PTPRN2: variants seen among roughly 807,000 people sequenced by gnomAD.
The protein encoded by PTPRN2 is protein tyrosine phosphatase receptor type N2.
In PTPRN2, 74 loss-of-function variants were observed where a neutral mutation model predicts 118.8. The ratio of observed to expected loss-of-function variants is 0.62; its 90% CI spans 0.52 to 0.76. The LOEUF (loss-of-function observed/expected upper bound fraction) is 0.76. Among genes scored for constraint, PTPRN2 ranks in the 30% least tolerant of loss-of-function variants. The pLI, the probability that PTPRN2 is intolerant of heterozygous loss-of-function variation, is 0.00. For synonymous variants in PTPRN2, 641 were observed against 608.0 expected (o/e 1.05, Z -0.80); for missense variants, 1,481 against 1,394.4 (o/e 1.06, Z -0.99).
chr7:158,127,872 G>C (rs1563473166), intron 9 of PTPRN2, among the ~76,000 whole-genome samples: 1 of 152,226 alleles, frequency 6.6e-6, no homozygotes, highest in Non-Finnish European at 1.5e-5. Context: ...TTGGAGGACT[G>C]GGGCGGCTGT....
At chr7:157,760,903 A>G (rs553538224) in intron 12 of PTPRN2, among the ~76,000 whole-genome samples, 1 of 152,244 alleles carries the variant, frequency 6.6e-6, no homozygotes, top group South Asian at 2.1e-4. Context: ...AATACCCTTT[A>G]TTTCCTTCTC....
At chr7:158,516,266 G>A (rs1360148165) in intron 1 of PTPRN2, among the ~76,000 whole-genome samples, 3 of 152,206 alleles carry the variant, frequency 2.0e-5, no homozygotes, top group African/African-American at 4.8e-5. Flanking sequence ...GATCACTTGA[G>A]CCCAGGAGTT....
At chr7:158,518,689 A>G (rs1344484712) in intron 1 of PTPRN2, among the ~76,000 whole-genome samples, 1 of 152,216 alleles carries the variant, frequency 6.6e-6, no homozygotes, top group Non-Finnish European at 1.5e-5. Context: ...GAGCTGATTA[A>G]AAATGTTACT....
At chr7:157,563,128 G>A (rs868686443) in intron 21 of PTPRN2, among the ~76,000 whole-genome samples, 6 of 87,876 alleles carry the variant, frequency 6.8e-5, no homozygotes, top group East Asian at 3.8e-4. Context: ...GTGCTCCCAC[G>A]TCACCACACA....
At chr7:158,180,162 C>G (rs1824574953) in intron 5 of PTPRN2, among the ~76,000 whole-genome samples, 1 of 152,236 alleles carries the variant, frequency 6.6e-6, no homozygotes, top group Non-Finnish European at 1.5e-5. Context: ...TACCCTGCAT[C>G]AATAGAGATC....
intron 12 of PTPRN2, among the ~76,000 whole-genome samples, chr7:157,897,660 T>A (rs771392821): frequency 6.6e-6 from 1 of 152,204 alleles, no homozygotes; most frequent in Non-Finnish European, 1.5e-5. Context: ...TTAAGCAGGC[T>A]CTGCATGGGA....
At chr7:158,394,722 G>A (rs903037586) in intron 2 of PTPRN2, among the ~76,000 whole-genome samples, 1 of 152,232 alleles carries the variant, frequency 6.6e-6, no homozygotes, top group African/African-American at 2.4e-5. Context: ...CAGCATTCAG[G>A]ACGGGGCGAC....
At chr7:158,256,319 C>T (rs1027212518) in intron 3 of PTPRN2, among the ~76,000 whole-genome samples, 8 of 143,408 alleles carry the variant, frequency 5.6e-5, no homozygotes, top group East Asian at 1.9e-4. Context: ...AGGGACCCCG[C>T]GGCTGCCTCT....
chr7:158,066,273 T>TC (rs1274379720), intron 11 of PTPRN2, among the ~76,000 whole-genome samples: 1 of 151,968 alleles, frequency 6.6e-6, no homozygotes, highest in Non-Finnish European at 1.5e-5. Context: ...GGTGGATGAG[T>TC]CCCCTCCATT....
rs1803695885 is a variant in PTPRN2, at chr7:158,327,311, ACACATTCTCACATG to A, written c.164-10393_164-10380del. On this transcript the variant is annotated intron_variant, in intron 2 of 22. Transcript: ENST00000389418. ...CACACATGTACACATTCTCACACATACACATTCTCACATGCACACACGTGCTCACACATGCTCAC... is the reference window on the plus strand; with the variant it reads ...CACACATGTACACATTCTCACACATACACACACGTGCTCACACATGCTCAC... Among the ~76,000 whole-genome samples, 6 of 145,936 alleles carry A rather than the reference ACACATTCTCACATG, an allele frequency of 4.1e-5. No individual in the cohort carries two copies. The East Asian group carries it at 1.2e-3, about 30-fold the overall frequency.
At chr7:158,199,132 T>C (rs887871190) in intron 4 of PTPRN2, among the ~76,000 whole-genome samples, 10 of 151,536 alleles carry the variant, frequency 6.6e-5, no homozygotes, top group Admixed American at 1.3e-4. Flanking sequence ...CTCCTTAGAC[T>C]TTAGCATGTT....
At chr7:157,752,789 A>G (rs1248433542) in intron 12 of PTPRN2, among the ~76,000 whole-genome samples, 1 of 152,238 alleles carries the variant, frequency 6.6e-6, no homozygotes, top group Non-Finnish European at 1.5e-5. Context: ...TGACTCTGGA[A>G]ATCTGTGATT....
chr7:157,718,799 G>A (rs1053721967), intron 12 of PTPRN2, among the ~76,000 whole-genome samples: 5 of 152,138 alleles, frequency 3.3e-5, no homozygotes, highest in Non-Finnish European at 7.4e-5. Flanking sequence ...CGGTGACACT[G>A]CAGCCACTCT....
At chr7:158,170,300 G>T (rs1305814137) in intron 5 of PTPRN2, among the ~76,000 whole-genome samples, 12 of 152,174 alleles carry the variant, frequency 7.9e-5, no homozygotes, top group Non-Finnish European at 1.8e-4. Flanking sequence ...GTGCTGGGGG[G>T]TGGGGATCTG....
intron 2 of PTPRN2, among the ~76,000 whole-genome samples, chr7:158,331,007 G>A (rs7806939): frequency 0.42 from 35,545 of 84,764 alleles, 7,148 homozygotes; most frequent in Non-Finnish European, 0.46. Flanking sequence ...GACACCCGCA[G>A]ACGTCACTCA....
chr7:158,558,063 C>T (rs1478624376), intron 1 of PTPRN2, among the ~76,000 whole-genome samples: 1 of 152,200 alleles, frequency 6.6e-6, no homozygotes, highest in Non-Finnish European at 1.5e-5. Flanking sequence ...TTACTCACTG[C>T]AGCCTTGAAC....
chr7:157,710,571 G>A (rs1226013076), intron 12 of PTPRN2, among the ~76,000 whole-genome samples: 2 of 151,110 alleles, frequency 1.3e-5, no homozygotes, highest in African/African-American at 2.4e-5. Context: ...TGTGCAGTGA[G>A]GGCCACAGGC....
chr7:158,361,919 G>T (rs535948365), intron 2 of PTPRN2, among the ~76,000 whole-genome samples: 21 of 152,170 alleles, frequency 1.4e-4, no homozygotes, highest in Non-Finnish European at 2.5e-4. Flanking sequence ...AGCTCTTCCC[G>T]CTGAGCCTGG....
At position 157,903,534 on chromosome 7, in the gene PTPRN2, GC is replaced by G. The variant is rs1201227034; in HGVS notation, c.1724-4798del. Among the ~76,000 whole-genome samples the G allele has an allele frequency of 6.6e-6, 1 of 151,948 alleles. No homozygotes were observed. The highest frequency in any genetic ancestry group is 1.9e-4 in the East Asian group (1 of 5,166). ...TGTGCCACCGACAACCCTCCCACAT[GC>G]CCCACGGTGCTGCCTCTCGAAACTG... On this transcript the variant is annotated intron_variant, in intron 11 of 22. Transcript: ENST00000389418. The surrounding 1 kb of genome is among the most constrained non-coding windows in gnomAD (Gnocchi z 4.2).
Sources: gnomAD v4.1 joint callset for allele counts (sites outside exome capture counted in the v4.1 genomes callset) on GRCh38, gnomAD v4.1.1 for gene constraint, Gnocchi (gnomAD v3.1) non-coding constraint, MANE v1.5 for transcripts, NCBI Gene and HGNC (gene_info 2026-07-23, HGNC 2026-07-21) for gene names.